CAMTA1: variants seen among roughly 807,000 people sequenced by gnomAD.
CAMTA1 encodes calmodulin binding transcription activator 1, also known as calmodulin-binding transcription activator 1.
In CAMTA1, 27 loss-of-function variants were observed where a neutral mutation model predicts 170.9. The observed-to-expected ratio is 0.16, with a 90% CI of 0.12 to 0.22. The LOEUF (loss-of-function observed/expected upper bound fraction) is 0.22. CAMTA1 is among the 10% of genes least tolerant of loss of function. The pLI, the probability that CAMTA1 is intolerant of heterozygous loss-of-function variation, is 1.00. For missense variants in CAMTA1, 1,619 were observed against 2,217.2 expected, an observed-to-expected ratio of 0.73 and a Z score of 5.42; for synonymous variants, 833 against 891.5, an observed-to-expected ratio of 0.93 and a Z score of 1.17.
chr1:7,042,522 G>C (rs1704627366), intron 3 of CAMTA1, among the ~76,000 whole-genome samples: 1 of 152,212 alleles, frequency 6.6e-6, no homozygotes, highest in Admixed American at 6.5e-5. Flanking sequence ...TGAGCTCATG[G>C]CAGGTCCCCT....
intron 4 of CAMTA1, among the ~76,000 whole-genome samples, chr1:7,150,389 C>T (rs1646502866): frequency 6.6e-6 from 1 of 152,214 alleles, no homozygotes; most frequent in African/African-American, 2.4e-5. Flanking sequence ...CCTGCTTCCT[C>T]CATCAGAGCG....
intron 3 of CAMTA1, among the ~76,000 whole-genome samples, chr1:6,830,365 A>T (rs1379518432): frequency 5.0e-5 from 7 of 139,040 alleles, no homozygotes; most frequent in Non-Finnish European, 7.7e-5. Flanking sequence ...TTTTTTTGAG[A>T]TGGAGTCTCA....
intron 6 of CAMTA1, among the ~76,000 whole-genome samples, chr1:7,492,898 T>TACACACGTGCACACACACAAACCTGCAA (rs1482470160): frequency 8.0e-6 from 1 of 125,272 alleles, no homozygotes; most frequent in Non-Finnish European, 1.7e-5. Context: ...CAAACCTACA[T>TACACACGTGCACACACACAAACCTGCAA]ACACACGTGC....
chr1:7,705,403 G>A (rs1384008996), intron 11 of CAMTA1, among the ~76,000 whole-genome samples: 1 of 151,200 alleles, frequency 6.6e-6, no homozygotes, highest in East Asian at 2.0e-4. Context: ...TGCGGCGGGT[G>A]TGAGCCACGC....
chr1:6,868,329 CAAAA>C (rs2148962132), intron 3 of CAMTA1, among the ~76,000 whole-genome samples: 1 of 133,336 alleles, frequency 7.5e-6, no homozygotes, highest in South Asian at 2.7e-4. Flanking sequence ...AAAAACAAAA[CAAAA>C]CAAAACAAAA....
intron 11 of CAMTA1, among the ~76,000 whole-genome samples, chr1:7,726,714 A>T (rs1242755337): frequency 6.6e-6 from 1 of 152,156 alleles, no homozygotes; most frequent in African/African-American, 2.4e-5. Flanking sequence ...GCAAATATAG[A>T]GTGCCTGTTC....
intron 6 of CAMTA1, among the ~76,000 whole-genome samples, chr1:7,492,083 A>T (rs950621152): frequency 1.3e-5 from 2 of 152,122 alleles, no homozygotes; most frequent in Non-Finnish European, 2.9e-5. Flanking sequence ...CTAGGATGGG[A>T]CACGCTCCCA....
chr1:6,885,742 A>C (rs1420672694), intron 3 of CAMTA1, among the ~76,000 whole-genome samples: 5 of 152,010 alleles, frequency 3.3e-5, no homozygotes, highest in East Asian at 1.9e-4. Context: ...TACCAAACCC[A>C]CCCCTTCCTG....
chr1:7,046,562 G>T (rs1260212403), intron 3 of CAMTA1, among the ~76,000 whole-genome samples: 1 of 152,212 alleles, frequency 6.6e-6, no homozygotes, highest in African/African-American at 2.4e-5. Flanking sequence ...TCACTCTGCA[G>T]ACATTTCTTA....
chr1:7,085,677 C>T (rs923913614), intron 3 of CAMTA1, among the ~76,000 whole-genome samples: 9 of 152,230 alleles, frequency 5.9e-5, no homozygotes, highest in African/African-American at 1.9e-4. Flanking sequence ...GGCGCTGAGG[C>T]GTGAAGGGCA....
chr1:7,665,058 G>C lies in CAMTA1; in HGVS notation c.2511G>C (p.Glu837Asp), dbSNP rs2095989421. 5 of 1,574,138 alleles carry C rather than the reference G, an allele frequency of 3.2e-6. No homozygotes were observed. The highest frequency in any genetic ancestry group is 1.7e-4 in the Middle Eastern group (1 of 5,854). The change falls in exon 9 of 23, where the codon GAG (glutamate) becomes GAC (aspartate). Residue 837 changes from glutamate to aspartate, a missense_variant. Coordinates refer to ENST00000303635, the MANE Select transcript of CAMTA1 (RefSeq NM_015215.4). This position sits in a 1 kb window ranked among gnomAD's most constrained non-coding sequence, Gnocchi z 4.3. The part of the protein sequence containing the change: ...QQGSLQLSSS[E>D]GGASTMAYMH... ...GTAGCCTGCAGCTGAGCAGCTCGGAGGGCGGGGCCAGCACCATGGCCTACA... is the reference window on the plus strand; with the variant it reads ...GTAGCCTGCAGCTGAGCAGCTCGGACGGCGGGGCCAGCACCATGGCCTACA...
intron 4 of CAMTA1, among the ~76,000 whole-genome samples, chr1:7,107,224 C>G (rs888227535): frequency 1.3e-5 from 2 of 151,566 alleles, no homozygotes; most frequent in African/African-American, 4.9e-5. Context: ...AGAGAAGTTC[C>G]CAGACGGCAC....
Position 7,663,813 on chromosome 1 carries a change from C to A in CAMTA1, c.1266C>A (p.Leu422=). 1.2e-6 allele frequency: 2 copies of A among 1,614,180 alleles called. No homozygotes were observed. Among genetic ancestry groups the A allele is most frequent in the Non-Finnish European group, 1.7e-6 (2 of 1,180,028 alleles). Residue 422 remains leucine, a synonymous_variant, in exon 9 of 23, where the codon CTC becomes CTA. Coordinates refer to ENST00000303635, the MANE Select transcript of CAMTA1 (RefSeq NM_015215.4). The part of the protein sequence containing the change: ...MSPTAGPNHH[L]LSPDASQGLV... ...CCACCGCTGGCCCCAACCACCACCTCCTCTCACCTGACGCCTCTCAGGGCC... is the reference window on the plus strand; with the variant it reads ...CCACCGCTGGCCCCAACCACCACCTACTCTCACCTGACGCCTCTCAGGGCC...
chr1:7,690,264 G>A (rs1454293798), intron 11 of CAMTA1, among the ~76,000 whole-genome samples: 1 of 152,250 alleles, frequency 6.6e-6, no homozygotes, highest in Non-Finnish European at 1.5e-5. Context: ...TGTCCCCGCG[G>A]AGTGAGCTGA....
At chr1:7,735,972 T>TTAGG (rs2096769322) in intron 12 of CAMTA1, among the ~76,000 whole-genome samples, 1 of 151,870 alleles carries the variant, frequency 6.6e-6, no homozygotes, top group African/African-American at 2.4e-5. Context: ...GGGGTTAGGG[T>TTAGG]TAGGGTTGGC....
rs540454233 is a variant in CAMTA1 at position 6,855,345 on chromosome 1, C to T, written c.234+30135C>T. Reference sequence around the variant, plus strand: ...TTTAATTTGTTCATGGTTCCACAGGCGGTTCAGGAAGCATGGTGCCGGCAT... The same window carrying T: ...TTTAATTTGTTCATGGTTCCACAGGTGGTTCAGGAAGCATGGTGCCGGCAT... On this transcript the variant is annotated intron_variant, in intron 3 of 22. Coordinates refer to ENST00000303635, the MANE Select transcript of CAMTA1 (RefSeq NM_015215.4). Among the ~76,000 whole-genome samples the T allele has an allele frequency of 7.3e-5, 11 of 151,636 alleles. No homozygotes were observed. The East Asian group carries it at 1.4e-3, about 19-fold the overall frequency.
intron 1 of CAMTA1, among the ~76,000 whole-genome samples, chr1:6,811,154 C>T (rs143757954): frequency 1.8e-3 from 270 of 152,228 alleles, no homozygotes; most frequent in African/African-American, 6.3e-3. Flanking sequence ...AATTATTTAC[C>T]AGCCAATTCC....
intron 7 of CAMTA1, among the ~76,000 whole-genome samples, chr1:7,654,969 T>C (rs1334439153): frequency 7.4e-6 from 1 of 135,124 alleles, no homozygotes; most frequent in Non-Finnish European, 1.6e-5. Flanking sequence ...CACACCCACC[T>C]ATACACACAC....
chr1:7,257,732 A>G (rs1416764024), intron 5 of CAMTA1, among the ~76,000 whole-genome samples: 1 of 152,064 alleles, frequency 6.6e-6, no homozygotes, highest in Non-Finnish European at 1.5e-5. Context: ...TAGTACAAGT[A>G]TGTCTATATT....
Sources: gnomAD v4.1 joint callset for allele counts (sites outside exome capture counted in the v4.1 genomes callset) on GRCh38, gnomAD v4.1.1 for gene constraint, Gnocchi (gnomAD v3.1) non-coding constraint, MANE v1.5 for transcripts, NCBI Gene and HGNC (gene_info 2026-07-23, HGNC 2026-07-21) for gene names.